The following GTPBP4 variants were observed in gnomAD, a reference collection of about 807,000 sequenced individuals.
GTPBP4 encodes the protein GTP-binding protein 4.
Under a neutral mutation model 81.7 loss-of-function variants are expected in GTPBP4, and 15 were observed. The observed-to-expected ratio is 0.18, with a 90% CI of 0.12 to 0.28. GTPBP4 has a LOEUF of 0.28. Among genes scored for constraint, GTPBP4 ranks in the 10% least tolerant of loss-of-function variants. The probability of loss-of-function intolerance (pLI) is 1.00; values close to 1 mark genes in which losing one functional copy is unlikely to be tolerated. For synonymous variants in GTPBP4, 272 were observed against 274.6 expected (o/e 0.99, Z 0.09); for missense variants, 847 against 793.8 (o/e 1.07, Z -0.81).
intron 1 of GTPBP4, among the ~76,000 whole-genome samples, chr10:989,242 G>A (rs1045594933): frequency 2.0e-5 from 3 of 150,596 alleles, no homozygotes; most frequent in African/African-American, 7.3e-5. Flanking sequence ...AGCCTCCCGA[G>A]TAACAGGGAT....
intron 10 of GTPBP4, among the ~76,000 whole-genome samples, chr10:1,008,651 T>G (rs943590080): frequency 2.0e-5 from 3 of 152,204 alleles, no homozygotes; most frequent in African/African-American, 7.2e-5. Context: ...TTCCATAATT[T>G]TTCATGATAA....
chr10:990,963 G>A lies in GTPBP4; in HGVS notation c.49-1526G>A, dbSNP rs879857083. On this transcript the variant is annotated intron_variant, in intron 1 of 16. Transcript: ENST00000360803. ...AGAACGTAGAGAAGATCTTGTGTGG[G>A]CCCAGAGGGGAGACCGTGTGTGCCC... Among the ~76,000 whole-genome samples the A allele has an allele frequency of 8.5e-4, 129 of 151,790 alleles. 1 individual carries two copies. Among genetic ancestry groups the A allele is most frequent in the Non-Finnish European group, 8.8e-4 (60 of 67,962 alleles).
Position 1,000,776 on chromosome 10 carries a change from C to T in GTPBP4, c.754C>T (p.Leu252=). Reference sequence around the variant, plus strand: ...CCTGGCCCACCTCCGTGCTGCGGTCCTGTATGTGATGGATTTGTCTGAGCA... The same window carrying T: ...CCTGGCCCACCTCCGTGCTGCGGTCTTGTATGTGATGGATTTGTCTGAGCA... ...TALAHLRAAV[L]YVMDLSEQCG... is the part of the protein sequence containing the mutation. Residue 252 remains leucine, a synonymous_variant, in exon 7 of 17, where the codon CTG becomes TTG. Coordinates refer to ENST00000360803, the MANE Select transcript of GTPBP4 (RefSeq NM_012341.3). The T allele has an allele frequency of 6.2e-7, 1 of 1,610,556 alleles. No homozygotes were observed. Among genetic ancestry groups the T allele is most frequent in the Non-Finnish European group, 8.5e-7 (1 of 1,178,198 alleles).
chr10:1,008,566 T>C (rs185419169), intron 10 of GTPBP4, among the ~76,000 whole-genome samples: 1 of 152,342 alleles, frequency 6.6e-6, no homozygotes, highest in Admixed American at 6.5e-5. Context: ...TTCCATTGAA[T>C]TCTTATATGC....
chr10:1,005,822 T>C lies in GTPBP4; in HGVS notation c.917T>C (p.Ile306Thr). ...GTTTTTTCTTTGCATTCCCAGAAAA[T>C]ATTTACAGATTTGCAGTCTGAAGGA... ...IAELSEDDQKIFTDLQSEGFP... is the reference protein window; with the variant it reads ...IAELSEDDQKTFTDLQSEGFP... The change falls in exon 9 of 17, where the codon ATA (isoleucine) becomes ACA (threonine). Residue 306 changes from isoleucine (I) to threonine (T), a missense_variant. Ile to Thr is a moderately conservative substitution (Grantham distance 89, BLOSUM62 -1). Transcript: ENST00000360803. 1 of 1,570,526 alleles carries C rather than the reference T, an allele frequency of 6.4e-7. No homozygotes were observed. Among genetic ancestry groups the C allele is most frequent in the African/African-American group, 1.3e-5 (1 of 74,170 alleles).
chr10:993,796 C>CT lies in GTPBP4; in HGVS notation c.219+1148dup, dbSNP rs755504681. On this transcript the variant is annotated intron_variant, in intron 2 of 16. Transcript: ENST00000360803. The stretch of plus-strand genomic sequence containing the variant: ...TTCATATTTAAACAAGTTATAATGG[C>CT]TTTTTTTTTTTAAGCCAGAGTATCA... Among the ~76,000 whole-genome samples the CT allele has an allele frequency of 2.2e-3, 320 of 146,130 alleles. 1 individual carries two copies. The highest frequency in any genetic ancestry group is 6.2e-3 in the African/African-American group (248 of 39,974).
chr10:1,006,305 C>T (rs1055220828), intron 9 of GTPBP4, among the ~76,000 whole-genome samples: 1 of 152,232 alleles, frequency 6.6e-6, no homozygotes, highest in Non-Finnish European at 1.5e-5. Flanking sequence ...ACATGCTGTC[C>T]TAATTACTTT....
chr10:1,015,951 A>G, intron 16 of GTPBP4, 55 bp downstream of exon 16: 6 of 1,500,196 alleles, frequency 4.0e-6, no homozygotes, highest in Non-Finnish European at 5.5e-6. Context: ...TGTTTATTGC[A>G]CAGGGTTCAG....
chr10:1,011,884 G>C (rs12249455), intron 13 of GTPBP4, among the ~76,000 whole-genome samples: 1 of 152,144 alleles, frequency 6.6e-6, no homozygotes, highest in Non-Finnish European at 1.5e-5. Flanking sequence ...TCCCTCCTCC[G>C]CACAGCTGTG....
intron 8 of GTPBP4, among the ~76,000 whole-genome samples, chr10:1,001,723 TATTG>T (rs1303191668): frequency 2.0e-5 from 3 of 151,482 alleles, no homozygotes; most frequent in African/African-American, 7.3e-5. Context: ...TATCTCTTGG[TATTG>T]ATTTCTAGTT....
chr10:991,938 G>A (rs10904594), intron 1 of GTPBP4, among the ~76,000 whole-genome samples: 112,085 of 146,292 alleles, frequency 0.77, 43,265 homozygotes, highest in East Asian at 0.9. Context: ...CTCGTGATCC[G>A]CCCGCCTCAG....
rs140484326 is a variant in GTPBP4, at chr10:1,019,592, C to G, written c.*2365C>G. On this transcript the variant is annotated 3_prime_UTR_variant, in exon 17 of 17. Transcript: ENST00000360803. ...GGTGAGGCCACCACCGGTACAGAAA[C>G]CTCTCGGCAATGGTTCTTAGCCAGG... 2.8e-5 allele frequency: 46 copies of G among 1,614,082 alleles called. 1 individual carries two copies. In the South Asian group the frequency reaches 4.9e-4, roughly 17 times the overall value.
chr10:1,008,282 A>G (rs1343666115), intron 10 of GTPBP4: 6 of 385,868 alleles, frequency 1.6e-5, no homozygotes, highest in East Asian at 7.1e-5. Flanking sequence ...GCGCGCACCT[A>G]TAATTCTACC....
In GTPBP4 at chr10:997,230, G is replaced by A; in HGVS notation, c.483G>A (p.Leu161=). 1 of 1,602,196 alleles carries A rather than the reference G, an allele frequency of 6.2e-7. No individual in the cohort carries two copies. Among genetic ancestry groups the A allele is most frequent in the Non-Finnish European group, 8.6e-7 (1 of 1,169,084 alleles). The change falls in exon 5 of 17, where the codon TTG becomes TTA. Residue 161 remains leucine, a synonymous_variant. Transcript: ENST00000360803. Reference sequence around the variant, plus strand: ...TAGTGCGTCAGCATTTATCCCGTTTGCCAACCATTGATCCGAATACCAGGA... The same window carrying A: ...TAGTGCGTCAGCATTTATCCCGTTTACCAACCATTGATCCGAATACCAGGA... ...LEQVRQHLSR[L]PTIDPNTRTL...
At chr10:1,011,004 C>CT (rs1564470748) in intron 13 of GTPBP4, among the ~76,000 whole-genome samples, 1 of 124,008 alleles carries the variant, frequency 8.1e-6, no homozygotes, top group Non-Finnish European at 1.8e-5. Context: ...CCACCTTCCC[C>CT]CCCACCCTGT....
In GTPBP4 at chr10:995,986, A is replaced by C; in HGVS notation, c.277A>C (p.Lys93Gln). The change falls in exon 3 of 17, where the codon AAG (lysine) becomes CAG (glutamine). Residue 93 changes from lysine to glutamine, a missense_variant. Lys to Gln is a moderately conservative substitution (Grantham distance 53). Transcript: ENST00000360803. ...TATTCTCTACGACAAGGATCATTAC[A>C]AGTTGGCTCTGGGGCAAATAAATAT... Reference protein sequence around the residue: ...MNILYDKDHYKLALGQINIAK... With the variant: ...MNILYDKDHYQLALGQINIAK... The C allele has an allele frequency of 6.2e-7, 1 of 1,612,328 alleles. No homozygotes were observed. Among genetic ancestry groups the C allele is most frequent in the Non-Finnish European group, 8.5e-7 (1 of 1,178,330 alleles).
intron 1 of GTPBP4, chr10:988,761 C>T: frequency 1.9e-6 from 1 of 516,036 alleles, no homozygotes; most frequent in South Asian, 2.4e-5. Flanking sequence ...GACCGTGGTC[C>T]ACCCAAAGAC....
At chr10:995,880 G>GA (rs1564465967) in intron 2 of GTPBP4, 49 bp from the exon 3 acceptor site, 1 of 1,103,800 alleles carries the variant, frequency 9.1e-7, no homozygotes, top group Non-Finnish European at 1.4e-6. Context: ...TGGTAGGGAT[G>GA]AAAAACTGCT....
rs1179410082 is a variant in GTPBP4 at position 1,010,500 on chromosome 10, A to G, written c.1324A>G (p.Ile442Val). Residue 442 changes from isoleucine (I) to valine (V), a missense_variant, in exon 13 of 17, where the codon ATT becomes GTT. By Grantham distance (29) the Ile-to-Val change is conservative. Coordinates refer to ENST00000360803, the MANE Select transcript of GTPBP4 (RefSeq NM_012341.3). Reference protein sequence around the residue: ...IWEGHNIADYIDPAIMKKLEE... With the variant: ...IWEGHNIADYVDPAIMKKLEE... Reference sequence around the variant, plus strand: ...GGAAGGCCATAATATAGCTGATTATATTGATCCAGCCATCATGAAGGTTTG... The same window carrying G: ...GGAAGGCCATAATATAGCTGATTATGTTGATCCAGCCATCATGAAGGTTTG... 3.2e-6 allele frequency: 5 copies of G among 1,543,726 alleles called. No homozygotes were observed. In the South Asian group the frequency reaches 4.5e-5, roughly 14 times the overall value.
Sources: allele counts gnomAD v4.1 joint callset (sites outside exome capture counted in the v4.1 genomes callset), GRCh38; gene constraint gnomAD v4.1.1; transcripts MANE v1.5; gene names NCBI Gene and HGNC (gene_info 2026-07-23, HGNC 2026-07-21).